NFIC: variants seen among roughly 807,000 people sequenced by gnomAD.
NFIC encodes nuclear factor I C, also known as nuclear factor 1 C-type.
NFIC carries 12 observed loss-of-function variants against 54.4 expected under a neutral mutation model. The observed-to-expected ratio is 0.22, with a 90% CI of 0.14 to 0.36. NFIC has a LOEUF of 0.36. Among genes scored for constraint, NFIC ranks in the 10% least tolerant of loss-of-function variants. The probability of loss-of-function intolerance (pLI) is 1.00; values close to 1 mark genes in which losing one functional copy is unlikely to be tolerated. For synonymous variants in NFIC, 322 were observed against 319.2 expected, an observed-to-expected ratio of 1.01 and a Z score of -0.09; for missense variants, 575 against 718.2, an observed-to-expected ratio of 0.80 and a Z score of 2.28.
chr19:3,454,238 AC>A, intron 9 of NFIC: 4 of 1,178,014 alleles, frequency 3.4e-6, no homozygotes, highest in Non-Finnish European at 4.2e-6. Flanking sequence ...GACAGTGGAC[AC>A]GGATCTCACA....
chr19:3,447,768 G>A (rs1284031315), intron 6 of NFIC, among the ~76,000 whole-genome samples: 4 of 152,224 alleles, frequency 2.6e-5, no homozygotes, highest in South Asian at 2.1e-4. Context: ...ATGGCCAGCC[G>A]GGGTTTGAAC....
At chr19:3,372,286 G>A (rs1247578483) in intron 1 of NFIC, among the ~76,000 whole-genome samples, 2 of 152,196 alleles carry the variant, frequency 1.3e-5, no homozygotes, top group East Asian at 3.9e-4. Context: ...CTCCCAAAGT[G>A]CTGGGATTAC....
At chr19:3,414,200 C>CT (rs1247162570) in intron 2 of NFIC, among the ~76,000 whole-genome samples, 4 of 152,174 alleles carry the variant, frequency 2.6e-5, no homozygotes, top group African/African-American at 9.7e-5. Flanking sequence ...CCCGCCAACT[C>CT]TTTTAGTAAA....
chr19:3,467,211 G>GCC lies in NFIC; in HGVS notation c.*4442_*4443insCC, dbSNP rs2082727836. ...TGCTATGGACACCACACCTATGCCA[G>GCC]GCCCCCCCCCCCACCCCAGTCTCAT... On this transcript the variant is annotated 3_prime_UTR_variant, in exon 11 of 11. Coordinates refer to ENST00000443272, the MANE Select transcript of NFIC (RefSeq NM_001245002.2). The GCC allele has an allele frequency of 1.1e-5, 1 of 88,868 alleles. No individual in the cohort carries two copies. Among genetic ancestry groups the GCC allele is most frequent in the African/African-American group, 5.1e-5 (1 of 19,514 alleles). 5.5% of individuals were successfully genotyped at this position (88,868 alleles called of 1,614,324 possible).
At position 3,464,244 on chromosome 19, in the gene NFIC, G is replaced by A. The variant is rs2082685170; in HGVS notation, c.*1475G>A. The A allele has an allele frequency of 1.0e-6, 1 of 985,388 alleles. No homozygotes were observed. Among genetic ancestry groups the A allele is most frequent in the African/African-American group, 1.7e-5 (1 of 57,342 alleles). The allele number at this position is 985,388 out of a possible 1,614,324, so 61.0% of individuals were successfully genotyped here. On this transcript the variant is annotated 3_prime_UTR_variant, in exon 11 of 11. Coordinates refer to ENST00000443272, the MANE Select transcript of NFIC (RefSeq NM_001245002.2). ...CCCCCAGAGGAGAGAGGAGGCCGAC[G>A]CCAGCGGTCCCCGCTCGGAACGGGG...
At chr19:3,417,084 A>G (rs1365384724) in intron 2 of NFIC, among the ~76,000 whole-genome samples, 1 of 149,086 alleles carries the variant, frequency 6.7e-6, no homozygotes, top group East Asian at 2.0e-4. Context: ...ATGGGGTTTC[A>G]CCATGTTAGC....
chr19:3,463,845 T>C lies in NFIC; in HGVS notation c.*1076T>C, dbSNP rs1409436063. 1.0e-6 allele frequency: 1 copy of C among 983,996 alleles called. No individual in the cohort carries two copies. The allele number at this position is 983,996 out of a possible 1,614,324, so 61.0% of individuals were successfully genotyped here. On this transcript the variant is annotated 3_prime_UTR_variant, in exon 11 of 11. Transcript: ENST00000443272. ...GAGAGCGAGTGGTTTAAGTGCCTGA[T>C]TACCACCACCCGCCCCCCCCTTTGT...
At chr19:3,461,241 C>T (rs990028917) in intron 10 of NFIC, among the ~76,000 whole-genome samples, 6 of 143,456 alleles carry the variant, frequency 4.2e-5, no homozygotes, top group African/African-American at 1.6e-4. Flanking sequence ...GTCTACATGG[C>T]GAAACCCCAC....
At chr19:3,362,476 G>T (rs1271526884), upstream of NFIC, among the ~76,000 whole-genome samples, 1 of 151,900 alleles carries the variant, frequency 6.6e-6, no homozygotes, top group East Asian at 1.9e-4. Context: ...GGTGTGGGGG[G>T]AAGGCTGTGA....
intron 6 of NFIC, among the ~76,000 whole-genome samples, chr19:3,435,896 C>T (rs913629260): frequency 1.3e-5 from 2 of 151,576 alleles, no homozygotes; most frequent in Admixed American, 6.6e-5. Context: ...GCGCGATCTC[C>T]GCTCACTGCA....
rs144419495 is a variant in NFIC, at chr19:3,424,578, T to C, written c.563-528T>C. ...TTTTAGTAGAGATGGGGTTTCACCA[T>C]GTTGGCCAGTCTGGTCTCAAACTCC... is the stretch of plus-strand genomic sequence containing the variant. On this transcript the variant is annotated intron_variant, in intron 2 of 10. Coordinates refer to ENST00000443272, the MANE Select transcript of NFIC (RefSeq NM_001245002.2). Among the ~76,000 whole-genome samples, 1,023 of 151,900 alleles carry C rather than the reference T, an allele frequency of 6.7e-3. 9 individuals are homozygous for C. Among genetic ancestry groups the C allele is most frequent in the African/African-American group, 0.022 (918 of 41,390 alleles).
At chr19:3,410,028 C>T (rs1473840225) in intron 2 of NFIC, among the ~76,000 whole-genome samples, 1 of 141,162 alleles carries the variant, frequency 7.1e-6, no homozygotes. Context: ...GGCAACATAG[C>T]GAGACTGCGT....
rs2082500123 is a variant in NFIC at position 3,453,465 on chromosome 19, T to C, written c.1270-298T>C. Among the ~76,000 whole-genome samples the C allele has an allele frequency of 6.6e-6, 1 of 152,136 alleles. No homozygotes were observed. Among genetic ancestry groups the C allele is most frequent in the Non-Finnish European group, 1.5e-5 (1 of 68,016 alleles). On this transcript the variant is annotated intron_variant, in intron 8 of 10. Transcript: ENST00000443272. This position sits in a 1 kb window ranked among gnomAD's most constrained non-coding sequence, Gnocchi z 6.7. ...CGGAGAACCTGCTGTTAGGAGGCGG[T>C]GGCACTGTTTGGAAGGAAATCAGTC...
chr19:3,385,735 G>A (rs2081286924), intron 2 of NFIC, among the ~76,000 whole-genome samples: 1 of 151,904 alleles, frequency 6.6e-6, no homozygotes, highest in Non-Finnish European at 1.5e-5. Context: ...ACCACACCCG[G>A]CTAATTTTTG....
At chr19:3,461,654 C>T (rs1187296471) in intron 10 of NFIC, among the ~76,000 whole-genome samples, 1 of 149,754 alleles carries the variant, frequency 6.7e-6, no homozygotes, top group Non-Finnish European at 1.5e-5. Context: ...ACCCAGGAAG[C>T]GGAGGTTGTA....
rs992129580 is a variant in NFIC, at chr19:3,369,479, C to G, written c.30+2813C>G. ...CGAAAATAGCTCCCTTTTAGCTGAT[C>G]CGACCCGGATCCTTCTCGGGAGCCG... On this transcript the variant is annotated intron_variant, in intron 1 of 10. Transcript: ENST00000443272. The surrounding 1 kb of genome is among the most constrained non-coding windows in gnomAD (Gnocchi z 4.3). Among the ~76,000 whole-genome samples, 1 of 151,702 alleles carries G rather than the reference C, an allele frequency of 6.6e-6. No individual in the cohort carries two copies. Among genetic ancestry groups the G allele is most frequent in the Non-Finnish European group, 1.5e-5 (1 of 67,856 alleles).
intron 7 of NFIC, among the ~76,000 whole-genome samples, chr19:3,451,461 C>T (rs2082461117): frequency 6.6e-6 from 1 of 151,806 alleles, no homozygotes; most frequent in South Asian, 2.1e-4. Flanking sequence ...GATGAAACCC[C>T]ATCTCTACTA....
chr19:3,411,885 C>G (rs770793608), intron 2 of NFIC, among the ~76,000 whole-genome samples: 6 of 152,142 alleles, frequency 3.9e-5, no homozygotes, highest in Non-Finnish European at 7.3e-5. Context: ...CCACATTGAA[C>G]AGTTTGTCCG....
At chr19:3,393,185 G>A (rs1362983115) in intron 2 of NFIC, among the ~76,000 whole-genome samples, 2 of 151,932 alleles carry the variant, frequency 1.3e-5, no homozygotes, top group Admixed American at 6.6e-5. Flanking sequence ...TCGGCCTCCC[G>A]AATTGCTGGG....
Sources: allele counts gnomAD v4.1 joint callset (sites outside exome capture counted in the v4.1 genomes callset), GRCh38; gene constraint gnomAD v4.1.1; non-coding constraint Gnocchi (gnomAD v3.1); transcripts MANE v1.5; gene names NCBI Gene and HGNC (gene_info 2026-07-23, HGNC 2026-07-21).